Variants in NELL1 observed in about 807,000 individuals in gnomAD.
The protein encoded by NELL1 is neural EGFL like 1, also known as protein kinase C-binding protein NELL1.
A neutral mutation model predicts 107.4 loss-of-function variants in NELL1; 76 were observed. That is an observed-to-expected ratio of 0.71 (90% CI 0.59 to 0.86). The LOEUF (loss-of-function observed/expected upper bound fraction) is 0.86, where lower values mean the gene tolerates loss of function less well. NELL1 is among the 40% of genes least tolerant of loss of function. NELL1 has a pLI of 0.00. For synonymous variants in NELL1, 353 were observed against 341.2 expected (o/e 1.03, Z -0.38); for missense variants, 1,024 against 1,005.5 (o/e 1.02, Z -0.25).
chr11:20,750,562 A>AATT (rs113562957), intron 2 of NELL1, among the ~76,000 whole-genome samples: 4,123 of 149,622 alleles, frequency 0.028, 86 homozygotes, highest in Non-Finnish European at 0.037. Context: ...TGTACCTCGG[A>AATT]ATTATTATTA....
chr11:20,917,611 T>C (rs1335641658), intron 5 of NELL1, among the ~76,000 whole-genome samples: 4 of 151,990 alleles, frequency 2.6e-5, no homozygotes, highest in Non-Finnish European at 5.9e-5. Flanking sequence ...ATGACAGCCC[T>C]GATGACTTTC....
chr11:21,158,512 AATAC>A (rs1340685320), intron 13 of NELL1, among the ~76,000 whole-genome samples: 1 of 152,302 alleles, frequency 6.6e-6, no homozygotes, highest in African/African-American at 2.4e-5. Flanking sequence ...ACTTTACATA[AATAC>A]ATAATCATTT....
chr11:21,547,599 A>G (rs186526854), intron 16 of NELL1, among the ~76,000 whole-genome samples: 55 of 152,064 alleles, frequency 3.6e-4, no homozygotes, highest in Admixed American at 1.4e-3. Context: ...ATGTAGTAGT[A>G]CTTCCCATAA....
rs554224127 is a variant in NELL1, at chr11:21,211,072, A to G, written c.1427-18260A>G. On this transcript the variant is annotated intron_variant, in intron 13 of 19. Transcript: ENST00000357134. ...AGAAAAGAAATATGTGGTTTCTATTAAGAGATTTGTGCTCTAGTGAGAAGA... is the reference window on the plus strand; with the variant it reads ...AGAAAAGAAATATGTGGTTTCTATTGAGAGATTTGTGCTCTAGTGAGAAGA... Among the ~76,000 whole-genome samples, 6 of 152,292 alleles carry G rather than the reference A, an allele frequency of 3.9e-5. No homozygotes were observed. The South Asian group carries it at 1.2e-3, about 32-fold the overall frequency.
intron 15 of NELL1, among the ~76,000 whole-genome samples, chr11:21,396,310 C>T (rs1264542024): frequency 6.6e-6 from 1 of 151,536 alleles, no homozygotes; most frequent in East Asian, 2.0e-4. Context: ...AATTCATTCA[C>T]ATATAAAATA....
intron 13 of NELL1, among the ~76,000 whole-genome samples, chr11:21,220,071 T>C (rs988632307): frequency 3.9e-5 from 6 of 152,180 alleles, no homozygotes; most frequent in South Asian, 2.1e-4. Context: ...TCTGTCCCCA[T>C]GATTGAGTCA....
At chr11:20,943,660 C>G (rs148468947) in intron 10 of NELL1, among the ~76,000 whole-genome samples, 170 of 152,070 alleles carry the variant, frequency 1.1e-3, no homozygotes, top group African/African-American at 3.9e-3. Context: ...AAGGTAATAC[C>G]CAGATGTGAA....
At chr11:21,444,040 C>T (rs930339896) in intron 15 of NELL1, among the ~76,000 whole-genome samples, 5 of 152,044 alleles carry the variant, frequency 3.3e-5, no homozygotes, top group Non-Finnish European at 7.4e-5. Context: ...GACATTTTCT[C>T]TCTGTATGTA....
intron 3 of NELL1, among the ~76,000 whole-genome samples, chr11:20,818,486 T>A (rs906014653): frequency 3.3e-5 from 5 of 150,052 alleles, no homozygotes; most frequent in African/African-American, 1.2e-4. Flanking sequence ...TCCAAAGTCA[T>A]ACAGATAGAA....
At chr11:20,908,182 C>T (rs999405146) in intron 5 of NELL1, among the ~76,000 whole-genome samples, 2 of 152,090 alleles carry the variant, frequency 1.3e-5, no homozygotes, top group Admixed American at 6.6e-5. Flanking sequence ...TACCATTTGA[C>T]CCAGGAATCC....
chr11:20,783,656 C>T, intron 2 of NELL1, 24 bp from the exon 3 acceptor site: 1 of 1,598,550 alleles, frequency 6.3e-7, no homozygotes, highest in Non-Finnish European at 8.6e-7. Context: ...CCTGTTTCCT[C>T]CTGCTTTTCT....
chr11:20,898,781 C>T (rs1229089897), intron 5 of NELL1, among the ~76,000 whole-genome samples: 1 of 151,766 alleles, frequency 6.6e-6, no homozygotes, highest in Non-Finnish European at 1.5e-5. Context: ...CATTGATGAA[C>T]ACTTAGGGTG....
chr11:21,269,930 G>C (rs1350844114), intron 14 of NELL1, among the ~76,000 whole-genome samples: 2 of 151,972 alleles, frequency 1.3e-5, no homozygotes, highest in Non-Finnish European at 2.9e-5. Flanking sequence ...GGCTTCTTTT[G>C]TTATCATAAG....
chr11:20,691,210 G>T (rs1336346336), intron 2 of NELL1, among the ~76,000 whole-genome samples: 1 of 151,976 alleles, frequency 6.6e-6, no homozygotes, highest in African/African-American at 2.4e-5. Flanking sequence ...TTCTAGATAT[G>T]CAATCATGTC....
At chr11:20,733,624 A>G (rs1166889667) in intron 2 of NELL1, among the ~76,000 whole-genome samples, 1 of 152,172 alleles carries the variant, frequency 6.6e-6, no homozygotes, top group Non-Finnish European at 1.5e-5. Flanking sequence ...TTTGTTGAGT[A>G]CCTACCACTG....
chr11:21,224,303 C>T (rs1391452616), intron 13 of NELL1, among the ~76,000 whole-genome samples: 1 of 151,946 alleles, frequency 6.6e-6, no homozygotes, highest in Non-Finnish European at 1.5e-5. Context: ...AGTGCAGTGG[C>T]ATGAACATGG....
intron 12 of NELL1, among the ~76,000 whole-genome samples, chr11:21,088,061 G>T (rs376516698): frequency 4.9e-4 from 30 of 61,586 alleles, no homozygotes; most frequent in African/African-American, 2.8e-3. Flanking sequence ...CAGTAGCTCT[G>T]TGTGTGTGTG....
rs571967293 is a variant in NELL1 at position 21,452,479 on chromosome 11, G to GT, written c.1645+81537dup. Among the ~76,000 whole-genome samples, 419 of 152,142 alleles carry GT rather than the reference G, an allele frequency of 2.8e-3. 2 individuals are homozygous for GT. Among genetic ancestry groups the GT allele is most frequent in the African/African-American group, 9.6e-3 (397 of 41,556 alleles). ...ATGTTGTTTAATTTATTGACATACA[G>GT]TTTTTTATTATATTCCCTGATTATT... On this transcript the variant is annotated intron_variant, in intron 15 of 19. Transcript: ENST00000357134.
At chr11:21,082,256 A>G (rs1012936963) in intron 12 of NELL1, among the ~76,000 whole-genome samples, 10 of 152,122 alleles carry the variant, frequency 6.6e-5, no homozygotes, top group African/African-American at 2.4e-4. Flanking sequence ...TATACACACT[A>G]TTTTATGATG....
Sources: allele counts gnomAD v4.1 joint callset (sites outside exome capture counted in the v4.1 genomes callset), GRCh38; gene constraint gnomAD v4.1.1; transcripts MANE v1.5; gene names NCBI Gene and HGNC (gene_info 2026-07-23, HGNC 2026-07-21).